KAZN: variants seen among roughly 807,000 people sequenced by gnomAD.
KAZN encodes kazrin, periplakin interacting protein.
Under a neutral mutation model 87.4 loss-of-function variants are expected in KAZN, and 40 were observed. The ratio of observed to expected loss-of-function variants is 0.46; its 90% CI spans 0.36 to 0.60. The LOEUF (loss-of-function observed/expected upper bound fraction) is 0.60, where lower values mean the gene tolerates loss of function less well. Among genes scored for constraint, KAZN ranks in the 20% least tolerant of loss-of-function variants. The pLI, the probability that KAZN is intolerant of heterozygous loss-of-function variation, is 0.00. For synonymous variants in KAZN, 466 were observed against 458.3 expected, an observed-to-expected ratio of 1.02 and a Z score of -0.22; for missense variants, 898 against 1,073.9, an observed-to-expected ratio of 0.84 and a Z score of 2.29.
intron 1 of KAZN, among the ~76,000 whole-genome samples, chr1:14,849,705 G>C (rs1264114506): frequency 6.6e-6 from 1 of 152,222 alleles, no homozygotes; most frequent in Non-Finnish European, 1.5e-5. Flanking sequence ...CTTTCAGGAT[G>C]TTGATCCCAG....
chr1:14,030,459 T>C (rs567174085), intron 1 of KAZN, among the ~76,000 whole-genome samples: 19 of 149,902 alleles, frequency 1.3e-4, no homozygotes, highest in African/African-American at 3.2e-4. Flanking sequence ...AGAGATAGCA[T>C]TGGGAGATAC....
In KAZN at chr1:14,790,033, A is replaced by C. The variant is rs142833255; in HGVS notation, c.227-170651A>C. 9.1e-3 allele frequency among the ~76,000 whole-genome samples: 1,354 copies of C among 149,120 alleles called. 17 individuals carry two copies. The highest frequency in any genetic ancestry group is 0.03 in the African/African-American group (1,209 of 40,464). ...TTCTTTTTTTTTGAGACAGAGTTTCACTCTTGTTGCCCAGGCTGGAGTGCA... is the reference window on the plus strand; with the variant it reads ...TTCTTTTTTTTTGAGACAGAGTTTCCCTCTTGTTGCCCAGGCTGGAGTGCA... On this transcript the variant is annotated intron_variant, in intron 1 of 14. Coordinates refer to ENST00000376030, the MANE Select transcript of KAZN (RefSeq NM_201628.3).
intron 2 of KAZN, among the ~76,000 whole-genome samples, chr1:14,504,569 C>T (rs1308205214): frequency 6.6e-6 from 1 of 152,132 alleles, no homozygotes; most frequent in Non-Finnish European, 1.5e-5. Flanking sequence ...ATCTGCTACT[C>T]GAGGGGAGAT....
At chr1:14,369,922 A>G (rs1660329963) in intron 2 of KAZN, among the ~76,000 whole-genome samples, 1 of 152,240 alleles carries the variant, frequency 6.6e-6, no homozygotes, top group African/African-American at 2.4e-5. Flanking sequence ...AAATTAATCC[A>G]GAAACAACTG....
intron 2 of KAZN, among the ~76,000 whole-genome samples, chr1:14,257,429 A>C (rs1051003226): frequency 2.8e-5 from 4 of 145,106 alleles, no homozygotes; most frequent in Non-Finnish European, 4.5e-5. Flanking sequence ...TTGCCTGTTC[A>C]CTCTAATGGT....
intron 2 of KAZN, among the ~76,000 whole-genome samples, chr1:14,278,265 TCA>T (rs1439171759): frequency 6.7e-6 from 1 of 150,340 alleles, no homozygotes; most frequent in African/African-American, 2.4e-5. Flanking sequence ...AGTATCTTTA[TCA>T]CACCTGAAAA....
Position 14,642,241 on chromosome 1 carries a change from T to C in KAZN, c.226+43018T>C, listed in dbSNP as rs921569934. On this transcript the variant is annotated intron_variant, in intron 1 of 14. Coordinates refer to ENST00000376030, the MANE Select transcript of KAZN (RefSeq NM_201628.3). ...GGTGAAACCCCGTCTCTACTAAAAATACAAAAAAATTAGCCAGGCGTGGTG... is the reference window on the plus strand; with the variant it reads ...GGTGAAACCCCGTCTCTACTAAAAACACAAAAAAATTAGCCAGGCGTGGTG... 6.6e-5 allele frequency among the ~76,000 whole-genome samples: 10 copies of C among 151,918 alleles called. No individual in the cohort carries two copies. In the East Asian group the frequency reaches 1.9e-3, roughly 29 times the overall value.
At chr1:13,937,632 TTTC>T (rs1299839029) in intron 1 of KAZN, among the ~76,000 whole-genome samples, 1 of 152,222 alleles carries the variant, frequency 6.6e-6, no homozygotes, top group Non-Finnish European at 1.5e-5. Context: ...TTTCCTAGGT[TTTC>T]TTCAAGGATT....
intron 1 of KAZN, among the ~76,000 whole-genome samples, chr1:14,958,015 CAG>C (rs759348192): frequency 8.6e-4 from 131 of 152,284 alleles, no homozygotes; most frequent in Non-Finnish European, 1.4e-3. Flanking sequence ...GATGAGGGAA[CAG>C]GGGCTGGAGT....
chr1:14,610,087 C>A (rs137982633), intron 1 of KAZN, among the ~76,000 whole-genome samples: 1 of 152,208 alleles, frequency 6.6e-6, no homozygotes, highest in Non-Finnish European at 1.5e-5. Context: ...GAGTGGCCCA[C>A]GATGAAAGGG....
chr1:13,972,180 G>GA (rs1482858478), intron 1 of KAZN, among the ~76,000 whole-genome samples: 1 of 151,282 alleles, frequency 6.6e-6, no homozygotes, highest in Non-Finnish European at 1.5e-5. Flanking sequence ...AATTTAAGAA[G>GA]AAAAAAGCAG....
At chr1:14,470,260 A>T (rs1039467319) in intron 2 of KAZN, among the ~76,000 whole-genome samples, 1 of 152,190 alleles carries the variant, frequency 6.6e-6, no homozygotes, top group African/African-American at 2.4e-5. Flanking sequence ...GACTGATAAA[A>T]CATGAAGCAG....
At chr1:15,053,779 C>T (rs1007067608) in intron 4 of KAZN, among the ~76,000 whole-genome samples, 1 of 152,222 alleles carries the variant, frequency 6.6e-6, no homozygotes. Context: ...GCACAGAGCG[C>T]GTGAGGGTGG....
chr1:14,716,706 TGTTCCCTGCTGTCCCTA>T (rs1412194219), intron 1 of KAZN, among the ~76,000 whole-genome samples: 1 of 152,162 alleles, frequency 6.6e-6, no homozygotes, highest in Non-Finnish European at 1.5e-5. Context: ...TCCTTTCCTG[TGTTCCCTGCTGTCCCTA>T]GTTAACCTAC....
intron 2 of KAZN, among the ~76,000 whole-genome samples, chr1:14,313,023 G>A (rs184178796): frequency 6.6e-6 from 1 of 152,206 alleles, no homozygotes; most frequent in East Asian, 1.9e-4. Context: ...ACTACATTTT[G>A]GGGCAATTTG....
At chr1:13,967,432 G>A (rs757112896) in intron 1 of KAZN, among the ~76,000 whole-genome samples, 31 of 152,268 alleles carry the variant, frequency 2.0e-4, no homozygotes, top group Admixed American at 5.9e-4. Flanking sequence ...ACATTGAGGC[G>A]ACCCTTTGGG....
At chr1:14,221,490 G>A (rs4607879) in intron 2 of KAZN, among the ~76,000 whole-genome samples, 15,427 of 151,952 alleles carry the variant, frequency 0.1, 1,721 homozygotes, top group African/African-American at 0.27. Context: ...AGTTGCCTCC[G>A]AGAAGGGAAA....
At chr1:14,673,214 C>G (rs1640019090) in intron 1 of KAZN, among the ~76,000 whole-genome samples, 1 of 152,188 alleles carries the variant, frequency 6.6e-6, no homozygotes, top group African/African-American at 2.4e-5. Flanking sequence ...ATCACAGGCT[C>G]AACTGCACTG....
chr1:14,937,828 G>A (rs1660627682), intron 1 of KAZN, among the ~76,000 whole-genome samples: 1 of 152,230 alleles, frequency 6.6e-6, no homozygotes, highest in African/African-American at 2.4e-5. Flanking sequence ...TCCCTGAAAG[G>A]CGCTGATTGC....
Sources: gnomAD v4.1 joint callset for allele counts (sites outside exome capture counted in the v4.1 genomes callset) on GRCh38, gnomAD v4.1.1 for gene constraint, MANE v1.5 for transcripts, NCBI Gene and HGNC (gene_info 2026-07-23, HGNC 2026-07-21) for gene names.